ATAD2: variants seen among roughly 807,000 people sequenced by gnomAD.
The protein encoded by ATAD2 is ATPase family AAA domain-containing protein 2.
In ATAD2, 62 loss-of-function variants were observed where a neutral mutation model predicts 168.9. The ratio of observed to expected loss-of-function variants is 0.37; its 90% CI spans 0.30 to 0.45. ATAD2 has a LOEUF of 0.45. Ranked by LOEUF, ATAD2 falls within the 20% of genes least tolerant of loss-of-function variation. The probability of loss-of-function intolerance (pLI) is 1.00; values close to 1 mark genes in which losing one functional copy is unlikely to be tolerated. For missense variants in ATAD2, 1,419 were observed against 1,667.8 expected (o/e 0.85, Z 2.60); for synonymous variants, 613 against 571.6 (o/e 1.07, Z -1.03).
intron 1 of ATAD2, among the ~76,000 whole-genome samples, chr8:123,381,143 AAG>A (rs1187171585): frequency 6.6e-6 from 1 of 152,190 alleles, no homozygotes; most frequent in Non-Finnish European, 1.5e-5. Flanking sequence ...AACAATGAAA[AAG>A]AGTTATTACT....
intron 19 of ATAD2, among the ~76,000 whole-genome samples, chr8:123,342,101 T>C (rs939945461): frequency 6.6e-6 from 1 of 151,992 alleles, no homozygotes; most frequent in African/African-American, 2.4e-5. Context: ...AATAAATAAA[T>C]AAACAAGTAA....
At chr8:123,343,816 G>C (rs1347976613) in intron 19 of ATAD2, among the ~76,000 whole-genome samples, 1 of 152,134 alleles carries the variant, frequency 6.6e-6, no homozygotes, top group Non-Finnish European at 1.5e-5. Context: ...GGGTGAAAGA[G>C]CTATTGCTAT....
chr8:123,414,802 G>C (rs1199900574), intron 1 of ATAD2, among the ~76,000 whole-genome samples: 11 of 152,194 alleles, frequency 7.2e-5, no homozygotes, highest in Admixed American at 7.2e-4. Flanking sequence ...ACCATGTTCT[G>C]AGTCTGGGGC....
At chr8:123,334,922 C>T (rs565402047) in intron 22 of ATAD2, among the ~76,000 whole-genome samples, 30 of 152,340 alleles carry the variant, frequency 2.0e-4, no homozygotes, top group Non-Finnish European at 3.7e-4. Context: ...CAGTACATTA[C>T]ACGCAGAATG....
intron 3 of ATAD2, 149 bp from the exon 4 acceptor site, chr8:123,371,984 CAAAAAT>C (rs2129762496): frequency 2.4e-6 from 2 of 848,460 alleles, no homozygotes; most frequent in East Asian, 5.8e-5. Context: ...CATCAGAAAA[CAAAAAT>C]AAAGTTAAAA....
chr8:123,388,060 C>T (rs1829696427), intron 1 of ATAD2, among the ~76,000 whole-genome samples: 1 of 152,212 alleles, frequency 6.6e-6, no homozygotes, highest in African/African-American at 2.4e-5. Context: ...GTTTAAACCA[C>T]TTCACCATCT....
At chr8:123,336,152 A>G (rs527286396) in intron 22 of ATAD2, among the ~76,000 whole-genome samples, 10 of 152,302 alleles carry the variant, frequency 6.6e-5, no homozygotes, top group Admixed American at 6.5e-4. Flanking sequence ...AATGAAAGAA[A>G]CCTGCATTCA....
chr8:123,331,267 T>C (rs1011120996), intron 24 of ATAD2, among the ~76,000 whole-genome samples: 5 of 151,398 alleles, frequency 3.3e-5, no homozygotes, highest in African/African-American at 1.2e-4. Flanking sequence ...GAGACAAGGG[T>C]CTCACTTTGT....
At chr8:123,398,715 G>A (rs1174802448), upstream of ATAD2, among the ~76,000 whole-genome samples, 2 of 151,840 alleles carry the variant, frequency 1.3e-5, no homozygotes, top group African/African-American at 4.8e-5. Context: ...CTGTTGCCCA[G>A]GCTGGTCTCA....
intron 3 of ATAD2, 52 bp from the exon 4 acceptor site, chr8:123,371,887 TTA>T: frequency 7.2e-7 from 1 of 1,386,352 alleles, no homozygotes; most frequent in Non-Finnish European, 9.5e-7. Context: ...ATAATAGTAT[TTA>T]TAAAACAATT....
At chr8:123,408,271 T>A (rs1449121910) in intron 1 of ATAD2, among the ~76,000 whole-genome samples, 1 of 152,176 alleles carries the variant, frequency 6.6e-6, no homozygotes, top group East Asian at 1.9e-4. Context: ...GGGTTTGGTT[T>A]AGGCAGGGCC....
At chr8:123,400,879 A>G, upstream of ATAD2, 1 of 1,426,016 alleles carries the variant, frequency 7.0e-7, no homozygotes, top group Non-Finnish European at 9.9e-7. The surrounding 1 kb of genome is among the most constrained non-coding windows in gnomAD (Gnocchi z 4.5). Flanking sequence ...GTTCCAGGCC[A>G]AGGAGGTGCG....
intron 1 of ATAD2, among the ~76,000 whole-genome samples, chr8:123,383,049 C>T (rs969677270): frequency 2.6e-5 from 4 of 152,218 alleles, no homozygotes; most frequent in Middle Eastern, 6.8e-3. Context: ...TTTGCAGGGA[C>T]ATGGATGAAG....
intron 17 of ATAD2, 91 bp downstream of exon 17, chr8:123,346,527 T>G (rs1043930571): frequency 4.1e-6 from 5 of 1,226,172 alleles, no homozygotes; most frequent in Non-Finnish European, 4.4e-6. Flanking sequence ...AAAAGCAGAT[T>G]GGTTAGCACT....
chr8:123,368,460 A>G lies in ATAD2; in HGVS notation c.1049+598T>C, dbSNP rs570852481. Among the ~76,000 whole-genome samples the G allele has an allele frequency of 6.6e-5, 10 of 152,338 alleles. No homozygotes were observed. The East Asian group carries it at 1.9e-3, about 29-fold the overall frequency. ...AATAAATAAATAAAATAAAAATAGA[A>G]GAATTATCTCTTTGGACTTAAATTT... On this transcript the variant is annotated intron_variant, in intron 8 of 27. Transcript: ENST00000287394.
intron 1 of ATAD2, among the ~76,000 whole-genome samples, chr8:123,388,182 G>C (rs545189948): frequency 6.6e-6 from 1 of 152,142 alleles, no homozygotes; most frequent in African/African-American, 2.4e-5. Flanking sequence ...GAATTCTACA[G>C]AACTGATCAC....
chr8:123,324,551 C>T (rs1465860133), intron 26 of ATAD2, among the ~76,000 whole-genome samples: 1 of 152,002 alleles, frequency 6.6e-6, no homozygotes, highest in Non-Finnish European at 1.5e-5. Context: ...TGTGGGGTTC[C>T]AGATGTAGGT....
intron 16 of ATAD2, 75 bp from the exon 17 acceptor site, chr8:123,346,825 C>A: frequency 7.3e-7 from 1 of 1,376,086 alleles, no homozygotes; most frequent in South Asian, 1.3e-5. Flanking sequence ...GTTACCAAGT[C>A]AGCATACTTC....
In ATAD2 at chr8:123,346,603, G is replaced by T; in HGVS notation, c.2345+15C>A. ...TTACACATGCAAAAAACATTGATTT[G>T]CAAGAAAAATATACCTATTCAAATG... On this transcript the variant is annotated intron_variant, in intron 17 of 27. Transcript: ENST00000287394. 2 of 1,515,108 alleles carry T rather than the reference G, an allele frequency of 1.3e-6. No homozygotes were observed. The highest frequency in any genetic ancestry group is 1.3e-5 in the South Asian group (1 of 77,014). The allele number at this position is 1,515,108 out of a possible 1,614,324, so 93.9% of individuals were successfully genotyped here.
Sources: allele counts gnomAD v4.1 joint callset (sites outside exome capture counted in the v4.1 genomes callset), GRCh38; gene constraint gnomAD v4.1.1; non-coding constraint Gnocchi (gnomAD v3.1); transcripts MANE v1.5; gene names NCBI Gene and HGNC (gene_info 2026-07-23, HGNC 2026-07-21).